The following RRAGC variants were observed in gnomAD, a reference collection of about 807,000 sequenced individuals.
RRAGC encodes the protein Ras related GTP binding C.
A neutral mutation model predicts 37.1 loss-of-function variants in RRAGC; 8 were observed. The observed-to-expected ratio is 0.22, with a 90% CI of 0.13 to 0.39. The LOEUF is 0.39. Among genes scored for constraint, RRAGC ranks in the 10% least tolerant of loss-of-function variants. The probability of loss-of-function intolerance (pLI) is 1.00; values close to 1 mark genes in which losing one functional copy is unlikely to be tolerated. For synonymous variants in RRAGC, 190 were observed against 181.1 expected (o/e 1.05, Z -0.39); for missense variants, 342 against 497.6 (o/e 0.69, Z 2.98).
intron 6 of RRAGC, among the ~76,000 whole-genome samples, chr1:38,840,424 T>C (rs1359722153): frequency 6.6e-6 from 1 of 152,186 alleles, no homozygotes; most frequent in East Asian, 1.9e-4. Flanking sequence ...GAGGGTACAA[T>C]ATGTCAAAGG....
intron 6 of RRAGC, 149 bp downstream of exon 6, chr1:38,845,790 T>A (rs1195391750): frequency 1.6e-6 from 1 of 607,998 alleles, no homozygotes; most frequent in Non-Finnish European, 2.8e-6. Context: ...GGACTATACA[T>A]GGAAGGAAAG....
At chr1:38,849,484 T>C (rs1570865174) in intron 5 of RRAGC, among the ~76,000 whole-genome samples, 1 of 151,858 alleles carries the variant, frequency 6.6e-6, no homozygotes, top group Non-Finnish European at 1.5e-5. Context: ...AGGCCAGGAG[T>C]TCGAGACCAG....
intron 1 of RRAGC, among the ~76,000 whole-genome samples, chr1:38,858,591 G>C (rs1041560282): frequency 2.0e-5 from 3 of 152,166 alleles, no homozygotes; most frequent in African/African-American, 4.8e-5. Context: ...CCAGCTATTC[G>C]GGAGGCTGAG....
chr1:38,843,958 A>C (rs892814591), intron 6 of RRAGC, among the ~76,000 whole-genome samples: 1 of 152,178 alleles, frequency 6.6e-6, no homozygotes. Flanking sequence ...GAGTGGAATC[A>C]CTGACAGTGA....
intron 6 of RRAGC, among the ~76,000 whole-genome samples, chr1:38,840,147 CAA>C (rs397939319): frequency 3.6e-4 from 16 of 45,030 alleles, no homozygotes; most frequent in Admixed American, 4.9e-4. Flanking sequence ...GACTCCAACT[CAA>C]AAAAAAAAAA....
intron 6 of RRAGC, 78 bp from the exon 7 acceptor site, chr1:38,839,782 T>G (rs1200301838): frequency 7.1e-7 from 1 of 1,408,954 alleles, no homozygotes; most frequent in Non-Finnish European, 9.9e-7. Context: ...CAGCCAAAAA[T>G]AACTCGGATA....
intron 5 of RRAGC, 189 bp from the exon 6 acceptor site, chr1:38,846,276 AAAC>A (rs752486347): frequency 5.2e-5 from 28 of 542,026 alleles, no homozygotes; most frequent in Admixed American, 5.0e-4. Context: ...TACCTATTAA[AAAC>A]AACAACTCCA....
intron 6 of RRAGC, among the ~76,000 whole-genome samples, chr1:38,842,121 A>C (rs560017459): frequency 6.6e-6 from 1 of 152,184 alleles, no homozygotes; most frequent in Non-Finnish European, 1.5e-5. Context: ...AAATACAAAA[A>C]ATTAGCCAGG....
intron 5 of RRAGC, 184 bp from the exon 6 acceptor site, chr1:38,846,271 A>C (rs888835785): frequency 3.7e-6 from 2 of 546,046 alleles, no homozygotes; most frequent in African/African-American, 3.9e-5. Context: ...AGGGATACCT[A>C]TTAAAAACAA....
intron 5 of RRAGC, chr1:38,846,407 C>G (rs991568919): frequency 1.4e-5 from 3 of 221,732 alleles, no homozygotes; most frequent in Non-Finnish European, 8.7e-6. Context: ...CTACTCACCC[C>G]CTAGACTGTG....
intron 5 of RRAGC, chr1:38,846,873 CG>C (rs1459954901): frequency 6.6e-6 from 1 of 151,778 alleles, no homozygotes; most frequent in Admixed American, 6.6e-5. Context: ...GAGGTTGAGG[CG>C]GGCCACCTGT....
At chr1:38,851,279 T>TTAAA (rs3841435) in intron 5 of RRAGC, among the ~76,000 whole-genome samples, 145,185 of 152,128 alleles carry the variant, frequency 0.95, 69,534 homozygotes, top group African/African-American at 0.99. Context: ...TCAGACCATT[T>TTAAA]TAAATTAATC....
chr1:38,854,586 C>T (rs1476135926), intron 3 of RRAGC, among the ~76,000 whole-genome samples: 1 of 152,066 alleles, frequency 6.6e-6, no homozygotes, highest in Non-Finnish European at 1.5e-5. Flanking sequence ...CAGTGGATTC[C>T]CAAAAAAATA....
At chr1:38,839,801 T>C (rs1641941867) in intron 6 of RRAGC, 97 bp from the exon 7 acceptor site, 4 of 1,229,272 alleles carry the variant, frequency 3.3e-6, no homozygotes, top group African/African-American at 1.5e-5. Flanking sequence ...TAAACACTGG[T>C]TGGAAATTCT....
intron 5 of RRAGC, among the ~76,000 whole-genome samples, chr1:38,848,303 G>A (rs1642052109): frequency 6.6e-6 from 1 of 152,170 alleles, no homozygotes. Context: ...GATGCCCCAT[G>A]TAGATCTTTT....
chr1:38,850,393 A>C (rs2124225060), intron 5 of RRAGC, among the ~76,000 whole-genome samples: 1 of 152,070 alleles, frequency 6.6e-6, no homozygotes, highest in South Asian at 2.1e-4. Context: ...GGGCACCTGT[A>C]GTCCCAGCTA....
At chr1:38,844,750 A>G (rs1442509755) in intron 6 of RRAGC, among the ~76,000 whole-genome samples, 3 of 152,240 alleles carry the variant, frequency 2.0e-5, no homozygotes, top group Non-Finnish European at 2.9e-5. Context: ...GCTAATATCC[A>G]GAATCTACGA....
At position 38,859,530 on chromosome 1, in the gene RRAGC, C is replaced by G; in HGVS notation, c.117G>C (p.Ala39=). 6.5e-7 allele frequency: 1 copy of G among 1,547,746 alleles called. No homozygotes were observed. Among genetic ancestry groups the G allele is most frequent in the Non-Finnish European group, 8.7e-7 (1 of 1,146,610 alleles). ...CCCCTGCCCCAACCCCTCCGCCCGC[C>G]GCCGCCGCCTCCTCTTCCTCCTCCT... ...GVEEEEEEAA[A]AGGGVGAGAG... is the part of the protein sequence containing the mutation. The change falls in exon 1 of 7, where the codon GCG becomes GCC. Residue 39 remains alanine, a synonymous_variant. Transcript: ENST00000373001.
intron 2 of RRAGC, among the ~76,000 whole-genome samples, chr1:38,856,184 A>G (rs1010891574): frequency 6.6e-6 from 1 of 152,206 alleles, no homozygotes. Flanking sequence ...TTTTTAAGTA[A>G]TCCCAGCTCT....
Sources: allele counts gnomAD v4.1 joint callset (sites outside exome capture counted in the v4.1 genomes callset), GRCh38; gene constraint gnomAD v4.1.1; transcripts MANE v1.5; gene names NCBI Gene and HGNC (gene_info 2026-07-23, HGNC 2026-07-21).